DCC: variants seen among roughly 807,000 people sequenced by gnomAD.
DCC encodes DCC netrin 1 receptor.
A neutral mutation model predicts 172.5 loss-of-function variants in DCC; 58 were observed. The observed-to-expected ratio is 0.34, with a 90% confidence interval of 0.27 to 0.42. DCC has a LOEUF of 0.42. Ranked by LOEUF, DCC falls within the 10% of genes least tolerant of loss-of-function variation. The pLI is 1.00. For synonymous variants in DCC, 709 were observed against 644.5 expected (o/e 1.10, Z -1.52); for missense variants, 1,740 against 1,791.0 (o/e 0.97, Z 0.51).
At chr18:53,323,516 T>C (rs57791683) in intron 14 of DCC, among the ~76,000 whole-genome samples, 25,431 of 152,132 alleles carry the variant, frequency 0.17, 2,676 homozygotes, top group African/African-American at 0.29. Flanking sequence ...TCTTTTCTCA[T>C]GGAGCTTGGA....
intron 1 of DCC, among the ~76,000 whole-genome samples, chr18:52,362,672 A>T (rs1984671335): frequency 6.6e-6 from 1 of 152,216 alleles, no homozygotes; most frequent in Non-Finnish European, 1.5e-5. Context: ...ACCTTAAAAA[A>T]ATAGAACTTT....
At chr18:53,351,395 T>TAA (rs2057802737) in intron 15 of DCC, among the ~76,000 whole-genome samples, 1 of 29,760 alleles carries the variant, frequency 3.4e-5, no homozygotes, top group African/African-American at 1.3e-4. Context: ...TATATATATA[T>TAA]ACAGTGTATA....
chr18:53,258,915 T>G (rs1486638303), intron 12 of DCC, among the ~76,000 whole-genome samples: 1 of 152,218 alleles, frequency 6.6e-6, no homozygotes, highest in Non-Finnish European at 1.5e-5. Context: ...CATATATGTT[T>G]AGGTTAGTTA....
At chr18:53,478,520 A>G (rs1280544138) in intron 25 of DCC, among the ~76,000 whole-genome samples, 1 of 152,176 alleles carries the variant, frequency 6.6e-6, no homozygotes, top group Admixed American at 6.5e-5. Flanking sequence ...TGAATTTTAT[A>G]TATTTGTCAC....
At chr18:52,814,126 C>T (rs2038246805) in intron 2 of DCC, among the ~76,000 whole-genome samples, 2 of 152,202 alleles carry the variant, frequency 1.3e-5, no homozygotes, top group South Asian at 4.1e-4. Context: ...TTTCATTCTC[C>T]TAGAGGTGAG....
intron 1 of DCC, among the ~76,000 whole-genome samples, chr18:52,584,119 C>A (rs2033617514): frequency 1.3e-5 from 2 of 152,120 alleles, no homozygotes; most frequent in South Asian, 4.1e-4. Flanking sequence ...AATCATTTTC[C>A]CAGTGAAAAT....
intron 12 of DCC, among the ~76,000 whole-genome samples, chr18:53,228,374 A>G (rs1043681865): frequency 2.6e-5 from 4 of 152,188 alleles, no homozygotes; most frequent in Admixed American, 6.6e-5. Context: ...TATTTCTTTC[A>G]TTAATTAGTT....
intron 15 of DCC, among the ~76,000 whole-genome samples, chr18:53,345,557 T>A (rs1217213655): frequency 6.6e-6 from 1 of 152,180 alleles, no homozygotes; most frequent in Admixed American, 6.6e-5. Flanking sequence ...ATATGACATT[T>A]CTTATGCTTT....
At chr18:52,767,999 G>A (rs894504490) in intron 2 of DCC, among the ~76,000 whole-genome samples, 5 of 152,150 alleles carry the variant, frequency 3.3e-5, no homozygotes, top group Admixed American at 1.3e-4. Flanking sequence ...ATGAAATAGC[G>A]CTACAAATAG....
chr18:53,106,938 T>A (rs1390126113), intron 7 of DCC, among the ~76,000 whole-genome samples: 1 of 151,974 alleles, frequency 6.6e-6, no homozygotes, highest in Non-Finnish European at 1.5e-5. Flanking sequence ...TATTATTATC[T>A]TTTTAAAGCG....
chr18:52,351,050 AGGG>A (rs1568127790), intron 1 of DCC, among the ~76,000 whole-genome samples: 1 of 152,244 alleles, frequency 6.6e-6, no homozygotes, highest in Non-Finnish European at 1.5e-5. Flanking sequence ...ACTGTAGGAA[AGGG>A]TCTCAGACAG....
At chr18:52,432,363 G>A (rs768106401) in intron 1 of DCC, among the ~76,000 whole-genome samples, 15 of 152,062 alleles carry the variant, frequency 9.9e-5, no homozygotes, top group Non-Finnish European at 1.8e-4. Flanking sequence ...TAGCTTCTTT[G>A]ATGTGCTCTT....
At chr18:52,640,867 C>A (rs1023832515) in intron 1 of DCC, among the ~76,000 whole-genome samples, 1 of 151,964 alleles carries the variant, frequency 6.6e-6, no homozygotes, top group South Asian at 2.1e-4. Context: ...AAAAACAATT[C>A]TAAAATTCAT....
chr18:53,155,513 A>G (rs1294786595), intron 7 of DCC, among the ~76,000 whole-genome samples: 1 of 152,212 alleles, frequency 6.6e-6, no homozygotes, highest in Non-Finnish European at 1.5e-5. Context: ...CACACACTAC[A>G]AAATATACAT....
At chr18:52,672,498 G>A (rs757215213) in intron 1 of DCC, among the ~76,000 whole-genome samples, 9 of 151,854 alleles carry the variant, frequency 5.9e-5, no homozygotes, top group East Asian at 1.9e-4. Context: ...ATTTTCTCCC[G>A]TTTCTTTCCT....
intron 7 of DCC, among the ~76,000 whole-genome samples, chr18:53,090,717 A>AAAAAAAAAAAAAAAAAAAAAAAAAAAAC (rs2042993240): frequency 8.2e-6 from 1 of 122,066 alleles, no homozygotes; most frequent in Non-Finnish European, 1.7e-5. Context: ...AAAAAAAAAA[A>AAAAAAAAAAAAAAAAAAAAAAAAAAAAC]AAAAAAAAAA....
chr18:53,376,491 G>A (rs1056855290), intron 15 of DCC, among the ~76,000 whole-genome samples: 1 of 152,252 alleles, frequency 6.6e-6, no homozygotes, highest in Non-Finnish European at 1.5e-5. Flanking sequence ...TATAAATTTG[G>A]TAGTACTCAC....
chr18:53,366,897 C>A (rs1306524155), intron 15 of DCC, among the ~76,000 whole-genome samples: 1 of 152,170 alleles, frequency 6.6e-6, no homozygotes, highest in Non-Finnish European at 1.5e-5. Flanking sequence ...TGGGAGATGA[C>A]AAGGACTTAC....
intron 2 of DCC, among the ~76,000 whole-genome samples, chr18:52,899,422 C>T (rs1034322418): frequency 4.5e-5 from 6 of 134,582 alleles, no homozygotes; most frequent in African/African-American, 1.4e-4. Flanking sequence ...GGCACCATGT[C>T]GGCTCACAGC....
Sources: allele counts gnomAD v4.1 joint callset (sites outside exome capture counted in the v4.1 genomes callset), GRCh38; gene constraint gnomAD v4.1.1; transcripts MANE v1.5; gene names NCBI Gene and HGNC (gene_info 2026-07-23, HGNC 2026-07-21).